ITGA11: variants seen among roughly 807,000 people sequenced by gnomAD.
ITGA11 encodes the protein integrin alpha-11.
Under a neutral mutation model 141.9 loss-of-function variants are expected in ITGA11, and 97 were observed. That is an observed-to-expected ratio of 0.68 (90% CI 0.58 to 0.81). The LOEUF is 0.81. Ranked by LOEUF, ITGA11 falls within the 30% of genes least tolerant of loss-of-function variation. ITGA11 has a pLI of 0.00. For synonymous variants in ITGA11, 658 were observed against 624.6 expected, an observed-to-expected ratio of 1.05 and a Z score of -0.80; for missense variants, 1,387 against 1,559.2, an observed-to-expected ratio of 0.89 and a Z score of 1.86.
At chr15:68,368,797 G>A (rs1595881051) in intron 3 of ITGA11, among the ~76,000 whole-genome samples, 3 of 151,400 alleles carry the variant, frequency 2.0e-5, no homozygotes, top group Admixed American at 1.3e-4. Context: ...GAACATTATC[G>A]AAGATATCTG....
rs552067829 is a variant in ITGA11, at chr15:68,306,350, G to C, written c.3381+998C>G. Among the ~76,000 whole-genome samples the C allele has an allele frequency of 4.6e-5, 7 of 152,098 alleles. No homozygotes were observed. In the South Asian group the frequency reaches 1.2e-3, roughly 27 times the overall value. ...CTGTGTGTGTGAGCAGGGTATGTGT[G>C]GGGGAGCGGGGGTGCCTGTACCACA... On this transcript the variant is annotated intron_variant, in intron 28 of 29. Transcript: ENST00000315757.
intron 22 of ITGA11, 126 bp from the exon 23 acceptor site, chr15:68,313,994 C>CT: frequency 1.4e-6 from 1 of 700,866 alleles, no homozygotes. Flanking sequence ...CCAGACAGGC[C>CT]AGACAGGGAA....
At chr15:68,395,841 T>G (rs1487572140) in intron 2 of ITGA11, among the ~76,000 whole-genome samples, 2 of 147,562 alleles carry the variant, frequency 1.4e-5, no homozygotes, top group Non-Finnish European at 3.0e-5. Context: ...CTGCACGTTG[T>G]GCACATGTAC....
At chr15:68,345,403 G>A (rs1203405047) in intron 10 of ITGA11, among the ~76,000 whole-genome samples, 1 of 152,136 alleles carries the variant, frequency 6.6e-6, no homozygotes, top group East Asian at 1.9e-4. Context: ...ATGTTTTGGG[G>A]CCCTGGACTC....
chr15:68,329,651 GT>G (rs1894091669), intron 15 of ITGA11, among the ~76,000 whole-genome samples: 1 of 152,200 alleles, frequency 6.6e-6, no homozygotes, highest in South Asian at 2.1e-4. Context: ...TAGGTTCTGT[GT>G]ACCTCCTCCC....
At chr15:68,430,392 G>A (rs1287065420) in intron 1 of ITGA11, among the ~76,000 whole-genome samples, 1 of 152,212 alleles carries the variant, frequency 6.6e-6, no homozygotes, top group Non-Finnish European at 1.5e-5. Context: ...AAGGAAACCT[G>A]TTGGAAAGGT....
chr15:68,410,770 T>C (rs1896755442), intron 1 of ITGA11, among the ~76,000 whole-genome samples: 1 of 152,146 alleles, frequency 6.6e-6, no homozygotes, highest in South Asian at 2.1e-4. Flanking sequence ...TCTAGGCTCC[T>C]GTAGTAGGCA....
In ITGA11 at chr15:68,335,058, A is replaced by G. The variant is rs77888340; in HGVS notation, c.1425+639T>C. Among the ~76,000 whole-genome samples the G allele has an allele frequency of 5.3e-3, 802 of 152,306 alleles. 13 individuals carry two copies. Among genetic ancestry groups the G allele is most frequent in the East Asian group, 0.04 (208 of 5,164 alleles). On this transcript the variant is annotated intron_variant, in intron 12 of 29. Transcript: ENST00000315757. This position sits in a 1 kb window ranked among gnomAD's most constrained non-coding sequence, Gnocchi z 4.9. ...AGGAGACAGGACTGTTCCCAGGCTC[A>G]GGAGAGCCGGCAGGGAGCTGGGGAC...
rs1466350459 is a variant in ITGA11 at position 68,303,670 on chromosome 15, C to T, written c.3495+102G>A. ...TGGCGAGGGGTGGGGTGCCAGCTCC[C>T]CTGGAGAGGAGAACGTGGCAGCGGC... On this transcript the variant is annotated intron_variant, in intron 29 of 29. Coordinates refer to ENST00000315757, the MANE Select transcript of ITGA11 (RefSeq NM_001004439.2). This position sits in a 1 kb window ranked among gnomAD's most constrained non-coding sequence, Gnocchi z 5.3. 6 of 753,252 alleles carry T rather than the reference C, an allele frequency of 8.0e-6. No homozygotes were observed. In the African/African-American group the frequency reaches 8.8e-5, roughly 11 times the overall value. 46.7% of individuals were successfully genotyped at this position (753,252 alleles called of 1,614,324 possible).
chr15:68,364,657 A>ACCCCCCCCCCCCCCC, intron 4 of ITGA11, 50 bp downstream of exon 4: 1 of 671,320 alleles, frequency 1.5e-6, no homozygotes, highest in Non-Finnish European at 2.7e-6. Context: ...ACCCCTCCCC[A>ACCCCCCCCCCCCCCC]CCCCCACCCC....
chr15:68,323,811 C>T (rs1286696017), intron 18 of ITGA11, among the ~76,000 whole-genome samples: 1 of 152,188 alleles, frequency 6.6e-6, no homozygotes, highest in East Asian at 1.9e-4. Flanking sequence ...AGGCTCCCTC[C>T]TCCAGGAAGG....
chr15:68,307,691 G>A lies in ITGA11; in HGVS notation c.3180C>T (p.His1060=), dbSNP rs1893248352. 6.2e-7 allele frequency: 1 copy of A among 1,612,034 alleles called. No individual in the cohort carries two copies. The highest frequency in any genetic ancestry group is 8.5e-7 in the Non-Finnish European group (1 of 1,178,298). ...EDLRRAPQLN[H]SNSDVVSINC... ...TGATGGAGACGACATCAGAGTTGCT[G>A]TGATTCTGAAAGAGAAGATGGGTCT... The change falls in exon 27 of 30, where the codon CAC becomes CAT. Residue 1060 remains histidine, a synonymous_variant. Transcript: ENST00000315757. The surrounding 1 kb of genome is among the most constrained non-coding windows in gnomAD (Gnocchi z 6.1).
rs78085402 is a variant in ITGA11 at position 68,377,119 on chromosome 15, T to A, written c.165-7835A>T. ...TCTATTTATTTTTGAAAAATTTGTT[T>A]TACTTCTTTCGGTCATAAGAAAATA... is the stretch of plus-strand genomic sequence containing the variant. On this transcript the variant is annotated intron_variant, in intron 2 of 29. Coordinates refer to ENST00000315757, the MANE Select transcript of ITGA11 (RefSeq NM_001004439.2). Among the ~76,000 whole-genome samples the A allele has an allele frequency of 3.9e-3, 587 of 152,336 alleles. 24 individuals carry two copies. In the East Asian group the frequency reaches 0.096, roughly 25 times the overall value.
In ITGA11 at chr15:68,311,077, T is replaced by C. The variant is rs765797312; in HGVS notation, c.3091A>G (p.Asn1031Asp). ...KLRDFLTDEANTSCNIWGNST... is the reference protein window; with the variant it reads ...KLRDFLTDEADTSCNIWGNST... ...TTGCCCCAGATGTTACAGGACGTGT[T>C]CGCCTACATAAAGGACATGGACACA... The change falls in exon 26 of 30, where the codon AAC becomes GAC. Residue 1031 changes from asparagine to aspartate, a missense_variant. By Grantham distance (23) the Asn-to-Asp change is conservative. Transcript: ENST00000315757. The C allele has an allele frequency of 6.2e-7, 1 of 1,606,386 alleles. No homozygotes were observed. Among genetic ancestry groups the C allele is most frequent in the Admixed American group, 1.7e-5 (1 of 59,150 alleles).
chr15:68,356,967 A>G (rs894620149), intron 7 of ITGA11, 184 bp downstream of exon 7: 10 of 594,964 alleles, frequency 1.7e-5, no homozygotes, highest in Non-Finnish European at 2.3e-5. Flanking sequence ...ACCAGACTGC[A>G]ACTACCTGAG....
chr15:68,400,566 T>C (rs1416335235), intron 2 of ITGA11, among the ~76,000 whole-genome samples: 2 of 114,032 alleles, frequency 1.8e-5, no homozygotes, highest in African/African-American at 6.7e-5. Flanking sequence ...ATATATATAA[T>C]ATATACAGAA....
intron 13 of ITGA11, 101 bp from the exon 14 acceptor site, chr15:68,332,163 A>G (rs1894191966): frequency 8.0e-7 from 1 of 1,253,424 alleles, no homozygotes; most frequent in East Asian, 2.5e-5. Flanking sequence ...TCACCACTCC[A>G]TTCCCCAGAA....
intron 3 of ITGA11, 46 bp from the exon 4 acceptor site, chr15:68,364,844 C>T (rs1372318297): frequency 1.9e-6 from 3 of 1,562,674 alleles, no homozygotes; most frequent in Middle Eastern, 1.8e-4. Context: ...TCCTGCCCGC[C>T]CTCTGCCCAG....
intron 2 of ITGA11, among the ~76,000 whole-genome samples, chr15:68,389,536 T>C (rs1379564397): frequency 6.6e-6 from 1 of 152,248 alleles, no homozygotes; most frequent in Non-Finnish European, 1.5e-5. Flanking sequence ...CCTCTACCTC[T>C]GACACTTATT....
Sources: gnomAD v4.1 joint callset for allele counts (sites outside exome capture counted in the v4.1 genomes callset) on GRCh38, gnomAD v4.1.1 for gene constraint, Gnocchi (gnomAD v3.1) non-coding constraint, MANE v1.5 for transcripts, NCBI Gene and HGNC (gene_info 2026-07-23, HGNC 2026-07-21) for gene names.